Variants in BICDL1 observed in about 807,000 individuals in gnomAD.
BICDL1 encodes BICD family like cargo adaptor 1, also known as BICD family-like cargo adapter 1.
In BICDL1, 20 loss-of-function variants were observed where a neutral mutation model predicts 76.8. The ratio of observed to expected loss-of-function variants is 0.26; its 90% CI spans 0.18 to 0.38. The LOEUF is 0.38. BICDL1 is among the 10% of genes least tolerant of loss of function. BICDL1 has a pLI of 1.00. For missense variants in BICDL1, 700 were observed against 798.6 expected, an observed-to-expected ratio of 0.88 and a Z score of 1.49; for synonymous variants, 383 against 337.1, an observed-to-expected ratio of 1.14 and a Z score of -1.49.
chr12:120,093,974 AC>A lies in BICDL1; in HGVS notation c.*817del. On this transcript the variant is annotated 3_prime_UTR_variant, in exon 10 of 10. Transcript: ENST00000548673. ...TCCTCCTCCCACAGCTCCCTCCTCC[AC>A]CCCTCACATACATACATAATTTCTT... 1 of 334,562 alleles carries A rather than the reference AC, an allele frequency of 3.0e-6. No individual in the cohort carries two copies. Among genetic ancestry groups the A allele is most frequent in the Non-Finnish European group, 6.0e-6 (1 of 167,630 alleles). 20.7% of individuals were successfully genotyped at this position (334,562 alleles called of 1,614,324 possible). A position where few individuals can be genotyped will look rare whatever the true frequency, so the allele number is the denominator to read the frequency against.
At chr12:120,003,508 C>G (rs1479562675) in intron 2 of BICDL1, among the ~76,000 whole-genome samples, 1 of 152,190 alleles carries the variant, frequency 6.6e-6, no homozygotes, top group Non-Finnish European at 1.5e-5. Context: ...CTTTCACACT[C>G]ACTCTTACAC....
At chr12:120,030,688 C>G (rs1952403896) in intron 2 of BICDL1, among the ~76,000 whole-genome samples, 1 of 152,204 alleles carries the variant, frequency 6.6e-6, no homozygotes, top group South Asian at 2.1e-4. Context: ...TGACCCACAT[C>G]ACTAAAATAG....
chr12:120,073,113 A>G (rs1873239380), intron 6 of BICDL1, among the ~76,000 whole-genome samples: 1 of 152,146 alleles, frequency 6.6e-6, no homozygotes, highest in East Asian at 1.9e-4. Flanking sequence ...ACCTCAAGTG[A>G]TACACCCATC....
rs1036658790 is a variant in BICDL1 at position 120,091,563 on chromosome 12, G to A, written c.1705-1437G>A. 9.1e-6 allele frequency: 9 copies of A among 984,894 alleles called. No individual in the cohort carries two copies. The African/African-American group carries it at 1.2e-4, about 13-fold the overall frequency. 61.0% of individuals were successfully genotyped at this position (984,894 alleles called of 1,614,324 possible). On this transcript the variant is annotated intron_variant, in intron 9 of 9. Coordinates refer to ENST00000548673, the MANE Select transcript of BICDL1 (RefSeq NM_001367886.1). ...ACCTGGCACAGTGCCAGCTCTGAGG[G>A]GCAAGTGGAAAAGGGGATGGAAGAG...
chr12:120,084,323 T>C (rs1391853282), intron 8 of BICDL1, among the ~76,000 whole-genome samples: 1 of 152,064 alleles, frequency 6.6e-6, no homozygotes, highest in Non-Finnish European at 1.5e-5. Flanking sequence ...TCTTTAATCC[T>C]CCCAGCCACA....
intron 2 of BICDL1, among the ~76,000 whole-genome samples, chr12:120,006,902 G>C (rs1951861120): frequency 6.6e-6 from 1 of 152,098 alleles, no homozygotes. Context: ...TACTCTAGGA[G>C]GATGGATTAT....
intron 2 of BICDL1, among the ~76,000 whole-genome samples, chr12:120,008,621 A>G (rs897340926): frequency 1.3e-5 from 2 of 152,074 alleles, no homozygotes; most frequent in Admixed American, 1.3e-4. Context: ...ACCACTTCAT[A>G]TGTATTTCTA....
chr12:120,072,294 G>A (rs899056952), intron 5 of BICDL1, among the ~76,000 whole-genome samples: 6 of 152,132 alleles, frequency 3.9e-5, no homozygotes, highest in African/African-American at 1.4e-4. Flanking sequence ...TAGAGAACAG[G>A]GAGAATAAGA....
At chr12:119,997,181 C>T (rs893830600) in intron 1 of BICDL1, among the ~76,000 whole-genome samples, 3 of 152,156 alleles carry the variant, frequency 2.0e-5, no homozygotes, top group Non-Finnish European at 4.4e-5. Context: ...CTCCTGACCT[C>T]GTGATCTGCC....
At chr12:120,015,218 GCTC>G (rs1952036058) in intron 2 of BICDL1, among the ~76,000 whole-genome samples, 1 of 152,140 alleles carries the variant, frequency 6.6e-6, no homozygotes, top group Non-Finnish European at 1.5e-5. Flanking sequence ...TTTAAGCTCT[GCTC>G]CTCCATTTTT....
At chr12:120,000,985 T>C (rs1020410661) in intron 2 of BICDL1, among the ~76,000 whole-genome samples, 1 of 152,210 alleles carries the variant, frequency 6.6e-6, no homozygotes, top group Non-Finnish European at 1.5e-5. Context: ...CCTGATAAGC[T>C]GCTCCTAAAA....
At position 119,995,846 on chromosome 12, in the gene BICDL1, CGTGGTG is replaced by C. The variant is rs763565546; in HGVS notation, c.430-2670_430-2665del. 2.6e-3 allele frequency among the ~76,000 whole-genome samples: 390 copies of C among 152,016 alleles called. 3 individuals carry two copies. Among genetic ancestry groups the C allele is most frequent in the Middle Eastern group, 0.02 (6 of 294 alleles). ...CTAAAAATACAAAAAATTAGCTGGG[CGTGGTG>C]GTGGGCGCCTGTAGTCCCAGCTACT... On this transcript the variant is annotated intron_variant, in intron 1 of 9. Coordinates refer to ENST00000548673, the MANE Select transcript of BICDL1 (RefSeq NM_001367886.1).
chr12:120,063,583 G>A (rs954917035), intron 3 of BICDL1, among the ~76,000 whole-genome samples: 4 of 152,244 alleles, frequency 2.6e-5, no homozygotes, highest in Admixed American at 6.5e-5. Context: ...AAGTTCTAAG[G>A]TTGGTCCCCA....
intron 8 of BICDL1, among the ~76,000 whole-genome samples, chr12:120,082,064 G>A (rs569312092): frequency 9.2e-5 from 14 of 152,118 alleles, no homozygotes; most frequent in South Asian, 4.2e-4. Context: ...ATCAGACTCC[G>A]AAGCCTACAT....
At position 120,080,960 on chromosome 12, in the gene BICDL1, A is replaced by T; in HGVS notation, c.1526A>T (p.Lys509Met). The T allele has an allele frequency of 6.2e-7, 1 of 1,613,928 alleles. No individual in the cohort carries two copies. The highest frequency in any genetic ancestry group is 8.5e-7 in the Non-Finnish European group (1 of 1,179,932). Residue 509 changes from lysine (K) to methionine (M), a missense_variant, in exon 8 of 10, where the codon AAG (lysine) becomes ATG (methionine). Physicochemically the swap from Lys to Met is moderately conservative, Grantham distance 95. Around this residue, in one of 3 missense-constraint regions of BICDL1, gnomAD observed 455 missense variants for 548.7 expected, o/e 0.83. Transcript: ENST00000548673. ...CGACTCAGAGTCACTTCTGAGGACA[A>T]GGAGCCAAAGGAGCAGCTTCAGAAG... ...RDRLRVTSED[K>M]EPKEQLQKAI... is the part of the protein sequence containing the mutation.
At position 120,094,139 on chromosome 12, in the gene BICDL1, G is replaced by A. The variant is rs1321240724; in HGVS notation, c.*978G>A. 4.6e-6 allele frequency: 2 copies of A among 438,554 alleles called. No homozygotes were observed. Among genetic ancestry groups the A allele is most frequent in the South Asian group, 3.2e-5 (2 of 63,220 alleles). 27.2% of individuals were successfully genotyped at this position (438,554 alleles called of 1,614,324 possible). On this transcript the variant is annotated 3_prime_UTR_variant, in exon 10 of 10. Transcript: ENST00000548673. ...GGAAGCCTCCAGATGCTGCCTGCCT[G>A]CCTGCAGAAGCCTGCAGTGGCTGCT... is the stretch of plus-strand genomic sequence containing the variant.
At position 119,989,462 on chromosome 12, in the gene BICDL1, G is replaced by GGCAGCAGCAGCA. The variant is rs746391690; in HGVS notation, c.-401_-390dup. Among the ~76,000 whole-genome samples, 944 of 147,068 alleles carry GGCAGCAGCAGCA rather than the reference G, an allele frequency of 6.4e-3. 28 individuals are homozygous for GGCAGCAGCAGCA. In the East Asian group the frequency reaches 0.11, roughly 17 times the overall value. ...CGTGAGGCGCTGCCCGGCCGGCGGC[G>GGCAGCAGCAGCA]GCAGCAGCAGCAGCAGCGGCAGCGG... On this transcript the variant is annotated 5_prime_UTR_variant, in exon 1 of 10. Coordinates refer to ENST00000548673, the MANE Select transcript of BICDL1 (RefSeq NM_001367886.1).
chr12:120,075,699 C>A (rs184391592), intron 7 of BICDL1, among the ~76,000 whole-genome samples: 168 of 152,298 alleles, frequency 1.1e-3, no homozygotes, highest in African/African-American at 3.7e-3. Flanking sequence ...TCAGTATTTC[C>A]TACATTTGAA....
At chr12:120,037,597 A>G (rs1293084989) in intron 2 of BICDL1, among the ~76,000 whole-genome samples, 1 of 152,212 alleles carries the variant, frequency 6.6e-6, no homozygotes, top group Non-Finnish European at 1.5e-5. Context: ...AAGCTTCCAC[A>G]GACATTAATC....
Sources: allele counts gnomAD v4.1 joint callset (sites outside exome capture counted in the v4.1 genomes callset), GRCh38; gene constraint gnomAD v4.1.1; regional missense constraint gnomAD v4.1.1; transcripts MANE v1.5; gene names NCBI Gene and HGNC (gene_info 2026-07-23, HGNC 2026-07-21).